TM9SF2: variants seen among roughly 807,000 people sequenced by gnomAD.
TM9SF2 encodes the protein transmembrane 9 superfamily member 2.
Under a neutral mutation model 84.9 loss-of-function variants are expected in TM9SF2, and 13 were observed. That is an observed-to-expected ratio of 0.15 (90% CI 0.10 to 0.24). TM9SF2 has a LOEUF of 0.24. Among genes scored for constraint, TM9SF2 ranks in the 10% least tolerant of loss-of-function variants. TM9SF2 has a pLI of 1.00. For missense variants in TM9SF2, 562 were observed against 818.5 expected (o/e 0.69, Z 3.82); for synonymous variants, 273 against 285.8 (o/e 0.96, Z 0.45).
chr13:99,559,798 C>T (rs925914167), intron 16 of TM9SF2, among the ~76,000 whole-genome samples: 3 of 150,056 alleles, frequency 2.0e-5, no homozygotes, highest in South Asian at 4.2e-4. Flanking sequence ...TCATGGTTTT[C>T]GTCTGTTAAC....
rs2046107964 is a variant in TM9SF2 at position 99,510,252 on chromosome 13, T to C, written c.172-7362T>C. ...ACCATTTAAACAGTCTCTTAAGAAG[T>C]TCCAAACTTTGCCTCATCTTCCTAT... On this transcript the variant is annotated intron_variant, in intron 1 of 16. Coordinates refer to ENST00000376387, the MANE Select transcript of TM9SF2 (RefSeq NM_004800.3). 1.3e-5 allele frequency among the ~76,000 whole-genome samples: 2 copies of C among 152,192 alleles called. 1 individual carries two copies. The highest frequency in any genetic ancestry group is 4.8e-5 in the African/African-American group (2 of 41,448).
intron 15 of TM9SF2, among the ~76,000 whole-genome samples, chr13:99,556,555 G>A (rs753438127): frequency 2.7e-5 from 4 of 145,554 alleles, no homozygotes; most frequent in Non-Finnish European, 6.0e-5. Context: ...ATCATGGCAT[G>A]TATAGTAGTA....
rs753527185 is a variant in TM9SF2, at chr13:99,562,707, T to G, written c.1941T>G (p.Phe647Leu). Residue 647 changes from phenylalanine to leucine, a missense_variant, in exon 17 of 17, where the codon TTT becomes TTG. By Grantham distance (22) the Phe-to-Leu change is conservative (BLOSUM62 0). Around this residue, in one of 4 missense-constraint regions of TM9SF2, gnomAD observed 63 missense variants for 109.2 expected, o/e 0.58. Coordinates refer to ENST00000376387, the MANE Select transcript of TM9SF2 (RefSeq NM_004800.3). ...CTCTTATAGGAACAATTGGCTTCTTTGCATGCTTTTGGTTTGTTACCAAAA... is the reference window on the plus strand; with the variant it reads ...CTCTTATAGGAACAATTGGCTTCTTGGCATGCTTTTGGTTTGTTACCAAAA... The part of the protein sequence containing the change: ...FFLFTGTIGF[F>L]ACFWFVTKIY... 7.4e-6 allele frequency: 12 copies of G among 1,613,362 alleles called. No homozygotes were observed. Among genetic ancestry groups the G allele is most frequent in the Non-Finnish European group, 4.2e-6 (5 of 1,179,782 alleles).
chr13:99,535,920 T>A (rs967601248), intron 4 of TM9SF2, among the ~76,000 whole-genome samples: 2 of 152,232 alleles, frequency 1.3e-5, no homozygotes, highest in African/African-American at 2.4e-5. Flanking sequence ...TTGAAAGATT[T>A]GGTTCGCTAG....
intron 1 of TM9SF2, among the ~76,000 whole-genome samples, chr13:99,502,165 G>A (rs761758578): frequency 6.6e-6 from 1 of 152,248 alleles, no homozygotes; most frequent in Non-Finnish European, 1.5e-5. Context: ...CATGTACGCT[G>A]AGGAAGCGGG....
rs188847816 is a variant in TM9SF2, at chr13:99,511,856, C to T, written c.172-5758C>T. Among the ~76,000 whole-genome samples the T allele has an allele frequency of 7.2e-5, 11 of 152,284 alleles. No individual in the cohort carries two copies. In the East Asian group the frequency reaches 1.2e-3, roughly 16 times the overall value. On this transcript the variant is annotated intron_variant, in intron 1 of 16. Coordinates refer to ENST00000376387, the MANE Select transcript of TM9SF2 (RefSeq NM_004800.3). ...TAAAAGCATCAGAAATAAAAAGTTA[C>T]GGTAGCAACAGTTGAGTTTACCTAC... is the stretch of plus-strand genomic sequence containing the variant.
chr13:99,558,634 A>G (rs1308092587), intron 15 of TM9SF2, among the ~76,000 whole-genome samples: 1 of 152,052 alleles, frequency 6.6e-6, no homozygotes, highest in African/African-American at 2.4e-5. Context: ...CAGATTGCTC[A>G]TTGCTGGTGT....
chr13:99,527,864 C>T (rs1594051508), intron 3 of TM9SF2, among the ~76,000 whole-genome samples: 1 of 152,304 alleles, frequency 6.6e-6, no homozygotes, highest in Middle Eastern at 3.4e-3. Context: ...TTACTGCGCC[C>T]ATTTTACACA....
intron 1 of TM9SF2, among the ~76,000 whole-genome samples, chr13:99,507,142 A>T (rs1190844452): frequency 3.3e-5 from 5 of 152,216 alleles, no homozygotes; most frequent in Admixed American, 3.3e-4. Context: ...ACAGAAGCTC[A>T]ATAAGATTTA....
In TM9SF2 at chr13:99,543,849, C is replaced by T; in HGVS notation, c.1018-14C>T. 1 of 1,613,272 alleles carries T rather than the reference C, an allele frequency of 6.2e-7. No homozygotes were observed. Among genetic ancestry groups the T allele is most frequent in the Non-Finnish European group, 8.5e-7 (1 of 1,179,502 alleles). On this transcript the variant is annotated splice_polypyrimidine_tract_variant and intron_variant, in intron 9 of 16. Transcript: ENST00000376387. The stretch of plus-strand genomic sequence containing the variant: ...TACCATGAGACAATCGAACTGATTT[C>T]ATTCCCCTTTTAGGAAGATGCCCAG...
At chr13:99,559,272 C>T in intron 15 of TM9SF2, 91 bp from the exon 16 acceptor site, 1 of 1,126,014 alleles carries the variant, frequency 8.9e-7, no homozygotes, top group Non-Finnish European at 1.2e-6. Flanking sequence ...TGGGGGCTGT[C>T]TCATTTATTA....
rs190479139 is a variant in TM9SF2 at position 99,523,063 on chromosome 13, C to T, written c.333+2934C>T. On this transcript the variant is annotated intron_variant, in intron 3 of 16. Coordinates refer to ENST00000376387, the MANE Select transcript of TM9SF2 (RefSeq NM_004800.3). ...AAGCCCCAAACTTAAAGGGACAGAG[C>T]AGGCACATTTTAAGGCCAAGGTGTA... 3.9e-5 allele frequency among the ~76,000 whole-genome samples: 6 copies of T among 152,348 alleles called. No homozygotes were observed. In the East Asian group the frequency reaches 1.2e-3, roughly 29 times the overall value.
rs1352166685 is a variant in TM9SF2 at position 99,562,816 on chromosome 13, C to G, written c.*58C>G. 2 of 1,546,912 alleles carry G rather than the reference C, an allele frequency of 1.3e-6. No individual in the cohort carries two copies. The highest frequency in any genetic ancestry group is 1.8e-6 in the Non-Finnish European group (2 of 1,129,888). On this transcript the variant is annotated 3_prime_UTR_variant, in exon 17 of 17. Transcript: ENST00000376387. ...AAATTAAACTCTTCATCAACAAAGACCTGTTTTTGTGACTGCCTTGAGTTT... is the reference window on the plus strand; with the variant it reads ...AAATTAAACTCTTCATCAACAAAGAGCTGTTTTTGTGACTGCCTTGAGTTT...
In TM9SF2 at chr13:99,555,656, T is replaced by G. The variant is rs1566574114; in HGVS notation, c.1752+9T>G. On this transcript the variant is annotated intron_variant, in intron 15 of 16. Coordinates refer to ENST00000376387, the MANE Select transcript of TM9SF2 (RefSeq NM_004800.3). ...TCCACCTATGTGCAGAGGTATGTAT[T>G]AGCAGTATTCACTTATGTTAATTTG... is the stretch of plus-strand genomic sequence containing the variant. The G allele has an allele frequency of 1.3e-6, 2 of 1,579,822 alleles. No homozygotes were observed. The highest frequency in any genetic ancestry group is 1.1e-5 in the South Asian group (1 of 88,728).
chr13:99,505,574 A>G (rs1300652400), intron 1 of TM9SF2, among the ~76,000 whole-genome samples: 1 of 152,242 alleles, frequency 6.6e-6, no homozygotes, highest in African/African-American at 2.4e-5. Flanking sequence ...AGATTGAGCT[A>G]TGGTATTCCT....
At chr13:99,557,755 T>G (rs1448312306) in intron 15 of TM9SF2, among the ~76,000 whole-genome samples, 1 of 151,892 alleles carries the variant, frequency 6.6e-6, no homozygotes, top group Non-Finnish European at 1.5e-5. Flanking sequence ...TGTGATGGCT[T>G]ACTTGGGAAG....
intron 4 of TM9SF2, among the ~76,000 whole-genome samples, chr13:99,533,008 C>T (rs992521969): frequency 1.3e-5 from 2 of 152,090 alleles, no homozygotes; most frequent in African/African-American, 4.8e-5. Context: ...TTATTGAAAC[C>T]ATTATTTGAG....
intron 4 of TM9SF2, among the ~76,000 whole-genome samples, chr13:99,533,673 T>G (rs937694762): frequency 2.6e-5 from 4 of 152,178 alleles, no homozygotes; most frequent in African/African-American, 9.7e-5. Context: ...TTGTTGTTGT[T>G]GTTGAGACAG....
intron 10 of TM9SF2, among the ~76,000 whole-genome samples, chr13:99,545,831 C>T (rs920287753): frequency 1.3e-5 from 2 of 152,164 alleles, no homozygotes; most frequent in Middle Eastern, 3.2e-3. Flanking sequence ...TCCCAAAGTG[C>T]TGGGGTTACA....
Sources: allele counts gnomAD v4.1 joint callset (sites outside exome capture counted in the v4.1 genomes callset), GRCh38; gene constraint gnomAD v4.1.1; regional missense constraint gnomAD v4.1.1; transcripts MANE v1.5; gene names NCBI Gene and HGNC (gene_info 2026-07-23, HGNC 2026-07-21).